Variants in DACH1 observed in about 807,000 individuals in gnomAD.
DACH1 encodes the protein dachshund homolog 1.
DACH1 carries 12 observed loss-of-function variants against 54.2 expected under a neutral mutation model. That is an observed-to-expected ratio of 0.22 (90% CI 0.14 to 0.36). The LOEUF (loss-of-function observed/expected upper bound fraction) is 0.36, where lower values mean the gene tolerates loss of function less well. Ranked by LOEUF, DACH1 falls within the 10% of genes least tolerant of loss-of-function variation. DACH1 has a pLI of 1.00. For synonymous variants in DACH1, 386 were observed against 366.2 expected (o/e 1.05, Z -0.62); for missense variants, 805 against 929.8 (o/e 0.87, Z 1.75).
chr13:71,708,543 G>T (rs1882554762), intron 1 of DACH1, among the ~76,000 whole-genome samples: 2 of 152,108 alleles, frequency 1.3e-5, no homozygotes, highest in South Asian at 4.2e-4. Flanking sequence ...ATATCAAACT[G>T]CTACCCTTTC....
intron 3 of DACH1, among the ~76,000 whole-genome samples, chr13:71,605,216 A>G (rs59989250): frequency 0.064 from 9,717 of 151,974 alleles, 1,056 homozygotes; most frequent in African/African-American, 0.22. Context: ...CATGTTTAAT[A>G]TATTTAGTTC....
intron 3 of DACH1, among the ~76,000 whole-genome samples, chr13:71,606,122 T>C (rs2138504662): frequency 6.6e-6 from 1 of 152,198 alleles, no homozygotes; most frequent in African/African-American, 2.4e-5. Context: ...ATTCTAGACT[T>C]GCAGTAATGT....
At chr13:71,587,607 T>G (rs1841402070) in intron 3 of DACH1, among the ~76,000 whole-genome samples, 1 of 151,950 alleles carries the variant, frequency 6.6e-6, no homozygotes, top group African/African-American at 2.4e-5. Flanking sequence ...TCTGTGATTT[T>G]TTATGATATT....
At chr13:71,493,559 A>G (rs1209071464) in intron 6 of DACH1, among the ~76,000 whole-genome samples, 1 of 152,204 alleles carries the variant, frequency 6.6e-6, no homozygotes, top group Non-Finnish European at 1.5e-5. Flanking sequence ...TAACTAAAAC[A>G]GTATGTAACT....
At chr13:71,808,320 C>G (rs897736413) in intron 1 of DACH1, among the ~76,000 whole-genome samples, 3 of 152,218 alleles carry the variant, frequency 2.0e-5, no homozygotes, top group Admixed American at 1.3e-4. Flanking sequence ...AAACCTGTTT[C>G]TGTGACCTCA....
intron 1 of DACH1, among the ~76,000 whole-genome samples, chr13:71,742,815 C>T (rs921087714): frequency 6.6e-6 from 1 of 152,052 alleles, no homozygotes; most frequent in African/African-American, 2.4e-5. Context: ...GTATAGACAA[C>T]TTAAATAAGC....
rs79813949 is a variant in DACH1 at position 71,651,698 on chromosome 13, A to G, written c.965-20981T>C. Among the ~76,000 whole-genome samples, 753 of 145,140 alleles carry G rather than the reference A, an allele frequency of 5.2e-3. 8 individuals carry two copies. The highest frequency in any genetic ancestry group is 8.0e-3 in the Non-Finnish European group (525 of 65,566). ...TCTGTATCTGTATATGTATATGTAT[A>G]TGTATATGTATATGTATATGTATAT... On this transcript the variant is annotated intron_variant, in intron 2 of 10. Transcript: ENST00000613252.
chr13:71,810,212 G>T (rs1440690352), intron 1 of DACH1, among the ~76,000 whole-genome samples: 1 of 152,010 alleles, frequency 6.6e-6, no homozygotes, highest in Non-Finnish European at 1.5e-5. Flanking sequence ...TCACAAAAAC[G>T]TTATCACTTA....
At chr13:71,501,711 TTA>T (rs1365842751) in intron 6 of DACH1, among the ~76,000 whole-genome samples, 2 of 152,192 alleles carry the variant, frequency 1.3e-5, no homozygotes. Flanking sequence ...AAAGATTCTA[TTA>T]ACTTATAACT....
At chr13:71,603,816 T>C (rs1201692795) in intron 3 of DACH1, among the ~76,000 whole-genome samples, 4 of 151,966 alleles carry the variant, frequency 2.6e-5, no homozygotes, top group African/African-American at 2.4e-5. Context: ...AAATTTTGTA[T>C]GTGATACCGA....
chr13:71,608,658 C>T (rs777489604), intron 3 of DACH1, among the ~76,000 whole-genome samples: 6 of 152,012 alleles, frequency 3.9e-5, no homozygotes, highest in Non-Finnish European at 7.4e-5. Flanking sequence ...TATCTGTTCA[C>T]TTATAATTAA....
intron 6 of DACH1, among the ~76,000 whole-genome samples, chr13:71,538,728 A>T (rs927882914): frequency 2.0e-5 from 3 of 152,170 alleles, no homozygotes; most frequent in African/African-American, 7.2e-5. Flanking sequence ...ATAAAAACAT[A>T]CTCAGTTTAA....
Position 71,717,759 on chromosome 13 carries a change from T to A in DACH1, c.849-35849A>T, listed in dbSNP as rs545203349. 1.4e-3 allele frequency among the ~76,000 whole-genome samples: 219 copies of A among 152,226 alleles called. 1 individual carries two copies. Among genetic ancestry groups the A allele is most frequent in the African/African-American group, 4.7e-3 (195 of 41,538 alleles). ...ATAGCCTGTATCTTGATGTATGCCA[T>A]TGAATATACCAGCCACATTTGAGAC... On this transcript the variant is annotated intron_variant, in intron 1 of 10. Transcript: ENST00000613252.
chr13:71,525,645 T>C (rs1232709154), intron 6 of DACH1, among the ~76,000 whole-genome samples: 1 of 152,146 alleles, frequency 6.6e-6, no homozygotes, highest in African/African-American at 2.4e-5. Context: ...ATTCAAATGG[T>C]TTCTTTAAGT....
chr13:71,764,208 T>C (rs1885522862), intron 1 of DACH1, among the ~76,000 whole-genome samples: 1 of 152,132 alleles, frequency 6.6e-6, no homozygotes, highest in Admixed American at 6.5e-5. Context: ...TTATAGGGAT[T>C]GGAAAACTTT....
chr13:71,704,768 T>G (rs979294876), intron 1 of DACH1: 1 of 162,518 alleles, frequency 6.2e-6, no homozygotes, highest in Non-Finnish European at 1.3e-5. Flanking sequence ...CAAATTTTAA[T>G]TGTGTCCTAA....
At chr13:71,592,529 AAG>A (rs1357664899) in intron 3 of DACH1, among the ~76,000 whole-genome samples, 2 of 150,958 alleles carry the variant, frequency 1.3e-5, no homozygotes, top group Non-Finnish European at 3.0e-5. Context: ...AAAAGAAAAA[AAG>A]AAAAGAAAAA....
chr13:71,846,091 C>G (rs1873230178), intron 1 of DACH1: 1 of 169,284 alleles, frequency 5.9e-6, no homozygotes, highest in African/African-American at 2.4e-5. Context: ...TGTTTATGCC[C>G]AAGAAGAAAC....
At chr13:71,783,729 A>T (rs1294046531) in intron 1 of DACH1, among the ~76,000 whole-genome samples, 1 of 152,088 alleles carries the variant, frequency 6.6e-6, no homozygotes, top group East Asian at 1.9e-4. Context: ...ACTCTTGCTC[A>T]GAGTGACTGG....
Sources: allele counts gnomAD v4.1 joint callset (sites outside exome capture counted in the v4.1 genomes callset), GRCh38; gene constraint gnomAD v4.1.1; transcripts MANE v1.5; gene names NCBI Gene and HGNC (gene_info 2026-07-23, HGNC 2026-07-21).